AGFG2: variants seen among roughly 807,000 people sequenced by gnomAD.
AGFG2 encodes ArfGAP with FG repeats 2.
Under a neutral mutation model 48.0 loss-of-function variants are expected in AGFG2, and 31 were observed. The observed-to-expected ratio is 0.65, with a 90% CI of 0.49 to 0.87. The LOEUF (loss-of-function observed/expected upper bound fraction) is 0.87, where lower values mean the gene tolerates loss of function less well. Ranked by LOEUF, AGFG2 falls within the 40% of genes least tolerant of loss-of-function variation. The pLI, the probability that AGFG2 is intolerant of heterozygous loss-of-function variation, is 0.00. For missense variants in AGFG2, 599 were observed against 632.6 expected (o/e 0.95, Z 0.57); for synonymous variants, 229 against 260.8 (o/e 0.88, Z 1.18).
At chr7:100,550,278 G>C (rs1800600973) in intron 2 of AGFG2, 118 bp from the exon 3 acceptor site, 1 of 677,146 alleles carries the variant, frequency 1.5e-6, no homozygotes, top group African/African-American at 2.1e-5. Flanking sequence ...CTGCACTCCA[G>C]CCCGGCGACA....
intron 6 of AGFG2, 148 bp downstream of exon 6, chr7:100,555,883 G>A: frequency 4.4e-6 from 5 of 1,124,964 alleles, no homozygotes; most frequent in Non-Finnish European, 6.2e-6. Flanking sequence ...GGATGAGCGT[G>A]TCTGACACAT....
At chr7:100,540,119 TAA>T (rs375004765) in intron 1 of AGFG2, among the ~76,000 whole-genome samples, 178 of 125,834 alleles carry the variant, frequency 1.4e-3, no homozygotes, top group African/African-American at 3.9e-3. Flanking sequence ...AGTACAGGAT[TAA>T]AAAAAAAAAA....
At chr7:100,551,030 T>TTATATATATATATATATATATA (rs373297543) in intron 3 of AGFG2, among the ~76,000 whole-genome samples, 13 of 56,016 alleles carry the variant, frequency 2.3e-4, no homozygotes, top group Non-Finnish European at 3.1e-4. Flanking sequence ...CCTGGCTAAT[T>TTATATATATATATATATATATA]TATATATATA....
rs1801042418 is a variant in AGFG2 at position 100,567,639 on chromosome 7, G to C, written c.*2648G>C. On this transcript the variant is annotated 3_prime_UTR_variant, in exon 12 of 12. Coordinates refer to ENST00000300176, the MANE Select transcript of AGFG2 (RefSeq NM_006076.5). ...TCCCTGTGTTGCCTTCCACAGAGGA[G>C]CAAGGCCTCAGGCTGAGGAAGGAGG... is the stretch of plus-strand genomic sequence containing the variant. 6.6e-6 allele frequency: 1 copy of C among 152,644 alleles called. No individual in the cohort carries two copies. The highest frequency in any genetic ancestry group is 2.4e-5 in the African/African-American group (1 of 41,468). The allele number at this position is 152,644 out of a possible 1,614,324, so 9.5% of individuals were successfully genotyped here. A position where few individuals can be genotyped will look rare whatever the true frequency, so the allele number is the denominator to read the frequency against.
Position 100,565,122 on chromosome 7 carries a change from G to A in AGFG2, c.*131G>A, listed in dbSNP as rs1800978406. On this transcript the variant is annotated 3_prime_UTR_variant, in exon 12 of 12. Coordinates refer to ENST00000300176, the MANE Select transcript of AGFG2 (RefSeq NM_006076.5). ...TGGAGGTGCTAATGCTTTGCTTGGG[G>A]CCTACAGGTGAAAGGTGGCTGCCCT... 1 of 1,057,726 alleles carries A rather than the reference G, an allele frequency of 9.5e-7. No homozygotes were observed. Among genetic ancestry groups the A allele is most frequent in the Non-Finnish European group, 1.4e-6 (1 of 689,738 alleles). The allele number at this position is 1,057,726 out of a possible 1,614,324, so 65.5% of individuals were successfully genotyped here.
intron 1 of AGFG2, among the ~76,000 whole-genome samples, chr7:100,546,544 T>A (rs1257882789): frequency 2.0e-5 from 3 of 152,224 alleles, no homozygotes; most frequent in Non-Finnish European, 2.9e-5. Flanking sequence ...GGGTTCTTCT[T>A]GTGAGCTCCT....
chr7:100,539,420 C>T lies in AGFG2; in HGVS notation c.74C>T (p.Ala25Val), dbSNP rs1430307776. Residue 25 changes from alanine to valine, a missense_variant, in exon 1 of 12, where the codon GCC becomes GTC. Ala to Val is a moderately conservative substitution (Grantham distance 64). Coordinates refer to ENST00000300176, the MANE Select transcript of AGFG2 (RefSeq NM_006076.5). ...GGGGGCAAGGCGGAGGCGGAGGCGG[C>T]CTCGGAGGTGTGGTGCCGTCGGGTG... ...VSGGKAEAEA[A>V]SEVWCRRVRE... 1.5e-6 allele frequency: 2 copies of T among 1,318,364 alleles called. No homozygotes were observed. The highest frequency in any genetic ancestry group is 3.1e-5 in the African/African-American group (2 of 64,918). The allele number at this position is 1,318,364 out of a possible 1,614,324, so 81.7% of individuals were successfully genotyped here.
Position 100,555,742 on chromosome 7 carries a change from T to TCTAC in AGFG2, c.877+9_877+10insACCT, listed in dbSNP as rs767708937. 3.9e-4 allele frequency: 622 copies of TCTAC among 1,613,562 alleles called. 5 individuals are homozygous for TCTAC. The highest frequency in any genetic ancestry group is 7.9e-5 in the Non-Finnish European group (93 of 1,179,732). ...GCCCAGCCAACTCCTGCAGGTAAAC[T>TCTAC]CTGCCCCACTGGCTTCCTTTCTCTT... is the stretch of plus-strand genomic sequence containing the variant. On this transcript the variant is annotated splice_region_variant and intron_variant, in intron 6 of 11. Transcript: ENST00000300176.
rs1174275548 is a variant in AGFG2, at chr7:100,550,984, C to T, written c.431+473C>T. Among the ~76,000 whole-genome samples, 5 of 138,046 alleles carry T rather than the reference C, an allele frequency of 3.6e-5. No homozygotes were observed. The East Asian group carries it at 1.1e-3, about 30-fold the overall frequency. 90.6% of individuals were successfully genotyped at this position (138,046 alleles called of 152,430 possible). On this transcript the variant is annotated intron_variant, in intron 3 of 11. Transcript: ENST00000300176. ...TCAGGTGATCCTCCTACCTCATCCT[C>T]CCCAGTAACTGGGACTACAGGTGTG...
chr7:100,546,657 A>G (rs527498980), intron 1 of AGFG2, among the ~76,000 whole-genome samples: 2 of 152,300 alleles, frequency 1.3e-5, no homozygotes, highest in African/African-American at 4.8e-5. Flanking sequence ...GAGGTGAAGG[A>G]GAAGACCTTT....
chr7:100,555,170 C>T (rs940291479), intron 5 of AGFG2, among the ~76,000 whole-genome samples: 1 of 151,850 alleles, frequency 6.6e-6, no homozygotes, highest in South Asian at 2.1e-4. Flanking sequence ...AGGCAGATGT[C>T]CCATAAGAGT....
At chr7:100,557,502 C>T (rs936169968) in intron 6 of AGFG2, among the ~76,000 whole-genome samples, 1 of 152,162 alleles carries the variant, frequency 6.6e-6, no homozygotes, top group African/African-American at 2.4e-5. Context: ...TACTCTGCTG[C>T]CCAGGCTGGA....
intron 6 of AGFG2, chr7:100,556,324 G>A (rs764597566): frequency 1.0e-5 from 2 of 200,816 alleles, no homozygotes; most frequent in Non-Finnish European, 2.1e-5. Context: ...CAAAACAAAC[G>A]AACGAACAAA....
chr7:100,553,490 C>T lies in AGFG2; in HGVS notation c.575C>T (p.Thr192Ile). 1 of 1,597,018 alleles carries T rather than the reference C, an allele frequency of 6.3e-7. No homozygotes were observed. Among genetic ancestry groups the T allele is most frequent in the Non-Finnish European group, 8.6e-7 (1 of 1,167,852 alleles). Residue 192 changes from threonine to isoleucine, a missense_variant, in exon 4 of 12, where the codon ACC (threonine) becomes ATC (isoleucine). Coordinates refer to ENST00000300176, the MANE Select transcript of AGFG2 (RefSeq NM_006076.5). ...PAPSLSVAAS[T>I]SSQPVSQSHA... ...CCGTCTCTCTCAGTTGCTGCCTCCA[C>T]CTCGAGCCAGGTAACTCTCAGATCT...
At chr7:100,553,618 C>A in intron 4 of AGFG2, 118 bp downstream of exon 4, 1 of 1,218,138 alleles carries the variant, frequency 8.2e-7, no homozygotes, top group Admixed American at 2.8e-5. Flanking sequence ...TGAGTTGGGT[C>A]TCGGCTCTGC....
intron 2 of AGFG2, among the ~76,000 whole-genome samples, chr7:100,549,243 C>G (rs1800575293): frequency 6.6e-6 from 1 of 152,162 alleles, no homozygotes; most frequent in Non-Finnish European, 1.5e-5. Flanking sequence ...GGAAGCTTTC[C>G]TGGAGCCAGC....
intron 1 of AGFG2, among the ~76,000 whole-genome samples, chr7:100,540,413 ACT>A (rs879387894): frequency 2.1e-4 from 32 of 151,992 alleles, no homozygotes; most frequent in Admixed American, 7.9e-4. Context: ...CATCCAGGAA[ACT>A]CTAGATTTTG....
chr7:100,554,519 C>T (rs1161033603), intron 5 of AGFG2, among the ~76,000 whole-genome samples: 1 of 152,146 alleles, frequency 6.6e-6, no homozygotes. Context: ...TTATTATTTT[C>T]TGTCTCTGTT....
chr7:100,565,019 T>A lies in AGFG2; in HGVS notation c.*28T>A, dbSNP rs1800975150. The A allele has an allele frequency of 6.2e-7, 1 of 1,612,362 alleles. No individual in the cohort carries two copies. Among genetic ancestry groups the A allele is most frequent in the South Asian group, 1.1e-5 (1 of 91,058 alleles). ...CTGTGTTTTTGGGGGGCCTCTTCCC[T>A]GCCTTCTGGGGCCCCTCTGCTCCCT... On this transcript the variant is annotated 3_prime_UTR_variant, in exon 12 of 12. Coordinates refer to ENST00000300176, the MANE Select transcript of AGFG2 (RefSeq NM_006076.5).
Sources: gnomAD v4.1 joint callset for allele counts (sites outside exome capture counted in the v4.1 genomes callset) on GRCh38, gnomAD v4.1.1 for gene constraint, MANE v1.5 for transcripts, NCBI Gene and HGNC (gene_info 2026-07-23, HGNC 2026-07-21) for gene names.